CDC14B: variants seen among roughly 807,000 people sequenced by gnomAD.
CDC14B encodes the protein cell division cycle 14B, also known as dual specificity protein phosphatase CDC14B.
In CDC14B, 22 loss-of-function variants were observed where a neutral mutation model predicts 64.2. The observed-to-expected ratio is 0.34, with a 90% CI of 0.24 to 0.49. The LOEUF is 0.49. Among genes scored for constraint, CDC14B ranks in the 20% least tolerant of loss-of-function variants. The pLI, the probability that CDC14B is intolerant of heterozygous loss-of-function variation, is 0.99. For synonymous variants in CDC14B, 191 were observed against 215.8 expected (o/e 0.89, Z 1.01); for missense variants, 498 against 629.9 (o/e 0.79, Z 2.24).
Position 96,515,877 on chromosome 9 carries a change from T to C in CDC14B, c.1344-6088A>G, listed in dbSNP as rs1835583099. ...GCAATCATCAATCAATCAAGCCATA[T>C]GTGAATTTTAGACACCCTAAAAGCC... On this transcript the variant is annotated intron_variant, in intron 12 of 13. Transcript: ENST00000375241. The surrounding 1 kb of genome is among the most constrained non-coding windows in gnomAD (Gnocchi z 4.3). 2.2e-6 allele frequency: 3 copies of C among 1,344,732 alleles called. No individual in the cohort carries two copies. Among genetic ancestry groups the C allele is most frequent in the Non-Finnish European group, 2.0e-6 (2 of 997,232 alleles). 83.3% of individuals were successfully genotyped at this position (1,344,732 alleles called of 1,614,324 possible).
chr9:96,528,015 G>A (rs1837849391), intron 9 of CDC14B, among the ~76,000 whole-genome samples: 1 of 152,086 alleles, frequency 6.6e-6, no homozygotes, highest in South Asian at 2.1e-4. Context: ...TCATACAACT[G>A]GATTCATACA....
chr9:96,499,354 G>A (rs77801455), downstream of CDC14B, among the ~76,000 whole-genome samples: 1,676 of 152,354 alleles, frequency 0.011, 25 homozygotes, highest in African/African-American at 0.038. Context: ...TGTGTGAGGT[G>A]TGGACACTGA....
intron 1 of CDC14B, among the ~76,000 whole-genome samples, chr9:96,615,124 A>T (rs1847543292): frequency 1.3e-5 from 2 of 152,136 alleles, no homozygotes; most frequent in African/African-American, 4.8e-5. Context: ...TACAGACGTG[A>T]GACACTGTGC....
At chr9:96,615,749 T>C (rs1242870564) in intron 1 of CDC14B, among the ~76,000 whole-genome samples, 1 of 152,224 alleles carries the variant, frequency 6.6e-6, no homozygotes, top group Non-Finnish European at 1.5e-5. Flanking sequence ...CTGGGTGTTA[T>C]ACTGAAAACA....
chr9:96,495,123 C>G (rs529706552), downstream of CDC14B, among the ~76,000 whole-genome samples: 1 of 152,018 alleles, frequency 6.6e-6, no homozygotes, highest in Non-Finnish European at 1.5e-5. Context: ...CGTGAGCCAC[C>G]GCGCCTGGCC....
chr9:96,610,649 CA>C (rs58120277), intron 1 of CDC14B, among the ~76,000 whole-genome samples: 9,368 of 131,656 alleles, frequency 0.071, 928 homozygotes, highest in African/African-American at 0.23. Context: ...TAAATGACCA[CA>C]AAAAAAAAAA....
chr9:96,497,153 CTT>C (rs1490798848), downstream of CDC14B, among the ~76,000 whole-genome samples: 2 of 152,214 alleles, frequency 1.3e-5, no homozygotes, highest in African/African-American at 4.8e-5. Context: ...TAGAAACAGA[CTT>C]GGCCCATTAG....
intron 13 of CDC14B, among the ~76,000 whole-genome samples, chr9:96,494,016 C>A (rs939805611): frequency 1.3e-5 from 2 of 152,234 alleles, no homozygotes; most frequent in African/African-American, 4.8e-5. Flanking sequence ...CTCCTCCTAC[C>A]CGCTTTCCCC....
Position 96,543,150 on chromosome 9 carries a change from C to A in CDC14B, c.498-1258G>T, listed in dbSNP as rs376861397. On this transcript the variant is annotated intron_variant, in intron 5 of 13. Transcript: ENST00000375241. Reference sequence around the variant, plus strand: ...AGGAGATCGAGATCTTCCTGGCTAACACGGTGAAACCCTGTCTCTACTAAA... The same window carrying A: ...AGGAGATCGAGATCTTCCTGGCTAAAACGGTGAAACCCTGTCTCTACTAAA... Among the ~76,000 whole-genome samples, 188 of 152,210 alleles carry A rather than the reference C, an allele frequency of 1.2e-3. 4 individuals are homozygous for A. In the South Asian group the frequency reaches 0.038, roughly 31 times the overall value.
chr9:96,608,231 C>T (rs1167106445), intron 1 of CDC14B, among the ~76,000 whole-genome samples: 4 of 152,182 alleles, frequency 2.6e-5, no homozygotes, highest in Admixed American at 6.5e-5. Context: ...TGAATTAGTG[C>T]TGTATGCCCT....
chr9:96,508,486 C>T (rs369521080), intron 13 of CDC14B, among the ~76,000 whole-genome samples: 2 of 152,196 alleles, frequency 1.3e-5, no homozygotes, highest in Non-Finnish European at 2.9e-5. Flanking sequence ...AAATCTTTGA[C>T]CTTTGGTCAG....
intron 1 of CDC14B, among the ~76,000 whole-genome samples, chr9:96,565,714 G>GA (rs541459338): frequency 6.6e-6 from 1 of 152,316 alleles, no homozygotes; most frequent in South Asian, 2.1e-4. Context: ...CAAAAGTGGT[G>GA]ATTTTTCATG....
chr9:96,523,507 A>C, intron 10 of CDC14B, 80 bp downstream of exon 10: 1 of 1,602,958 alleles, frequency 6.2e-7, no homozygotes, highest in Non-Finnish European at 8.5e-7. Flanking sequence ...TTGTTGTTGG[A>C]AACTAAAGGA....
intron 1 of CDC14B, among the ~76,000 whole-genome samples, chr9:96,567,579 G>A (rs1320310428): frequency 6.6e-6 from 1 of 152,228 alleles, no homozygotes; most frequent in African/African-American, 2.4e-5. Flanking sequence ...TTAAAGGGAC[G>A]GTTTGGGATG....
intron 9 of CDC14B, among the ~76,000 whole-genome samples, chr9:96,529,026 T>C (rs1411501905): frequency 1.3e-5 from 2 of 152,200 alleles, no homozygotes. Flanking sequence ...GCAAATATTT[T>C]CTCCCAATCC....
At chr9:96,604,017 CT>C (rs964379884) in intron 1 of CDC14B, among the ~76,000 whole-genome samples, 12 of 152,140 alleles carry the variant, frequency 7.9e-5, no homozygotes, top group African/African-American at 2.9e-4. Context: ...AAGTGGTTGA[CT>C]TTACAGGCAC....
intron 13 of CDC14B, among the ~76,000 whole-genome samples, chr9:96,505,903 A>G (rs962452389): frequency 1.3e-5 from 2 of 152,210 alleles, no homozygotes; most frequent in Non-Finnish European, 2.9e-5. Context: ...CCAAAGACAA[A>G]TAGTTAAGAC....
At position 96,619,513 on chromosome 9, in the gene CDC14B, G is replaced by C. The variant is rs1847847248; in HGVS notation, c.-135C>G. 2 of 264,126 alleles carry C rather than the reference G, an allele frequency of 7.6e-6. No individual in the cohort carries two copies. Among genetic ancestry groups the C allele is most frequent in the South Asian group, 2.8e-4 (2 of 7,120 alleles). 16.4% of individuals were successfully genotyped at this position (264,126 alleles called of 1,614,324 possible). ...CGGCGCTGCGGGGACGGCGGGCGCC[G>C]GCAGAGCCCGGCGGGAGGCGGTCGC... On this transcript the variant is annotated 5_prime_UTR_variant, in exon 1 of 14. Transcript: ENST00000375241.
Position 96,502,713 on chromosome 9 carries a change from G to C in CDC14B, c.*1040C>G. 1 of 390,152 alleles carries C rather than the reference G, an allele frequency of 2.6e-6. No homozygotes were observed. Among genetic ancestry groups the C allele is most frequent in the Non-Finnish European group, 4.5e-6 (1 of 221,496 alleles). 24.2% of individuals were successfully genotyped at this position (390,152 alleles called of 1,614,324 possible). ...GGCACTCTGCAGAGTTACTAGTTGT[G>C]TTCCCTAACCAAAGGCAACAGTGAG... On this transcript the variant is annotated 3_prime_UTR_variant, in exon 14 of 14. Coordinates refer to ENST00000375241, the MANE Select transcript of CDC14B (RefSeq NM_033331.4).
Sources: allele counts gnomAD v4.1 joint callset (sites outside exome capture counted in the v4.1 genomes callset), GRCh38; gene constraint gnomAD v4.1.1; non-coding constraint Gnocchi (gnomAD v3.1); transcripts MANE v1.5; gene names NCBI Gene and HGNC (gene_info 2026-07-23, HGNC 2026-07-21).